The following UGT1A10 variants were observed in gnomAD, a reference collection of about 807,000 sequenced individuals.
UGT1A10 encodes the protein UDP glucuronosyltransferase family 1 member A10, also known as UDP-glucuronosyltransferase 1A10.
Under a neutral mutation model 45.8 loss-of-function variants are expected in UGT1A10, and 49 were observed. The ratio of observed to expected loss-of-function variants is 1.07; its 90% CI spans 0.85 to 1.36. The LOEUF is 1.36. UGT1A10 is among the 40% of genes most tolerant of loss of function. The probability of loss-of-function intolerance (pLI) is 0.00; values close to 1 mark genes in which losing one functional copy is unlikely to be tolerated. For missense variants in UGT1A10, 745 were observed against 668.6 expected, an observed-to-expected ratio of 1.11 and a Z score of -1.26; for synonymous variants, 284 against 249.7, an observed-to-expected ratio of 1.14 and a Z score of -1.29.
At chr2:233,718,776 G>C in intron 1 of UGT1A10, 2 of 1,612,920 alleles carry the variant, frequency 1.2e-6, no homozygotes, top group Non-Finnish European at 1.7e-6. Flanking sequence ...AATGTAGCAG[G>C]CACAGCGTGG....
chr2:233,693,305 G>A (rs1257191754), intron 1 of UGT1A10: 2 of 1,614,074 alleles, frequency 1.2e-6, no homozygotes, highest in African/African-American at 1.3e-5. Flanking sequence ...TCACTTTGCT[G>A]AGCGATCATT....
At chr2:233,758,802 A>G (rs1160659282) in intron 1 of UGT1A10, among the ~76,000 whole-genome samples, 1 of 152,232 alleles carries the variant, frequency 6.6e-6, no homozygotes, top group Non-Finnish European at 1.5e-5. Flanking sequence ...TTGGAATTGT[A>G]TAGTACAGCA....
intron 1 of UGT1A10, among the ~76,000 whole-genome samples, chr2:233,680,805 C>G (rs1299963858): frequency 6.6e-6 from 1 of 152,096 alleles, no homozygotes; most frequent in Non-Finnish European, 1.5e-5. Flanking sequence ...TAGCAAAGGC[C>G]TGCAGCTCTG....
At chr2:233,691,290 A>C (rs936596287) in intron 1 of UGT1A10, 99 of 985,440 alleles carry the variant, frequency 1.0e-4, no homozygotes, top group Non-Finnish European at 1.2e-4. Context: ...GATCATTGTA[A>C]GCTGCCAATC....
At chr2:233,682,585 A>T (rs1276385712) in intron 1 of UGT1A10, 1 of 1,613,824 alleles carries the variant, frequency 6.2e-7, no homozygotes, top group East Asian at 2.2e-5. Flanking sequence ...ACTTGGAGGA[A>T]CATTTATTTT....
chr2:233,753,329 G>A (rs1695182951), intron 1 of UGT1A10: 1 of 152,070 alleles, frequency 6.6e-6, no homozygotes, highest in Non-Finnish European at 1.5e-5. Context: ...GGTGCCAGCT[G>A]ACTGCCATTT....
chr2:233,744,582 C>T (rs1692857811), intron 1 of UGT1A10, among the ~76,000 whole-genome samples: 2 of 151,846 alleles, frequency 1.3e-5, no homozygotes, highest in African/African-American at 4.9e-5. Flanking sequence ...CATCGTTTTA[C>T]AGTTTTTGCA....
intron 1 of UGT1A10, among the ~76,000 whole-genome samples, chr2:233,732,141 T>C (rs532123817): frequency 6.6e-6 from 1 of 151,874 alleles, no homozygotes; most frequent in South Asian, 2.1e-4. Context: ...TGTTTGTTTG[T>C]TTTTTTTCTT....
chr2:233,738,549 T>C (rs577240283), intron 1 of UGT1A10, among the ~76,000 whole-genome samples: 15 of 152,296 alleles, frequency 9.8e-5, no homozygotes, highest in Admixed American at 3.9e-4. Flanking sequence ...GAGTCTCAGA[T>C]AGAGATGAGG....
At chr2:233,677,650 T>A (rs1372897223) in intron 1 of UGT1A10, among the ~76,000 whole-genome samples, 1 of 151,980 alleles carries the variant, frequency 6.6e-6, no homozygotes, top group Non-Finnish European at 1.5e-5. Context: ...CCAGTTAGAA[T>A]GGCTGTTATT....
At chr2:233,734,881 G>T (rs1413647330) in intron 1 of UGT1A10, among the ~76,000 whole-genome samples, 2 of 152,202 alleles carry the variant, frequency 1.3e-5, no homozygotes, top group Non-Finnish European at 2.9e-5. Flanking sequence ...CTGAGAGACA[G>T]TTTGTTGTGA....
intron 1 of UGT1A10, among the ~76,000 whole-genome samples, chr2:233,711,887 T>C (rs28898595): frequency 0.1 from 15,538 of 152,074 alleles, 910 homozygotes; most frequent in East Asian, 0.2. Flanking sequence ...GCAGGACGAG[T>C]CTCATGGGCG....
At chr2:233,677,598 A>G (rs144127815) in intron 1 of UGT1A10, among the ~76,000 whole-genome samples, 1 of 152,224 alleles carries the variant, frequency 6.6e-6, no homozygotes, top group African/African-American at 2.4e-5. Flanking sequence ...ACTAGTTACC[A>G]GAAAAATGAA....
chr2:233,717,175 A>G (rs113530832), intron 1 of UGT1A10, among the ~76,000 whole-genome samples: 4 of 152,334 alleles, frequency 2.6e-5, no homozygotes, highest in African/African-American at 7.2e-5. Flanking sequence ...GAATGTGGCA[A>G]GAGCACCCTC....
intron 1 of UGT1A10, chr2:233,744,011 C>T (rs1159851013): frequency 1.6e-5 from 18 of 1,116,766 alleles, no homozygotes; most frequent in East Asian, 5.5e-5. Context: ...AGACCTGGGC[C>T]GCCTGGAGAG....
At chr2:233,645,986 A>G (rs1170065385) in intron 1 of UGT1A10, among the ~76,000 whole-genome samples, 1 of 152,170 alleles carries the variant, frequency 6.6e-6, no homozygotes, top group Non-Finnish European at 1.5e-5. Flanking sequence ...CCCTGCAGCA[A>G]ACTTCTTTCT....
At chr2:233,682,662 A>G (rs1390697140) in intron 1 of UGT1A10, 4 of 1,613,880 alleles carry the variant, frequency 2.5e-6, no homozygotes, top group Admixed American at 1.7e-5. Context: ...GTCACGGCAT[A>G]TGATCTCTAC....
At chr2:233,733,344 T>A (rs1194194853) in intron 1 of UGT1A10, among the ~76,000 whole-genome samples, 4 of 152,230 alleles carry the variant, frequency 2.6e-5, no homozygotes, top group African/African-American at 9.6e-5. Flanking sequence ...TCCAACAGTA[T>A]GTTGAGTAGG....
intron 1 of UGT1A10, among the ~76,000 whole-genome samples, chr2:233,687,069 G>A (rs1405806889): frequency 6.6e-6 from 1 of 152,170 alleles, no homozygotes; most frequent in Admixed American, 6.6e-5. Context: ...CTCCAAGCCT[G>A]ATTTCATAAG....
Sources: gnomAD v4.1 joint callset for allele counts (sites outside exome capture counted in the v4.1 genomes callset) on GRCh38, gnomAD v4.1.1 for gene constraint, MANE v1.5 for transcripts, NCBI Gene and HGNC (gene_info 2026-07-23, HGNC 2026-07-21) for gene names.